Variants in BMPR1B observed in about 807,000 individuals in gnomAD.
BMPR1B encodes bone morphogenetic protein receptor type 1B, also known as bone morphogenetic protein receptor type-1B.
A neutral mutation model predicts 59.1 loss-of-function variants in BMPR1B; 12 were observed. That is an observed-to-expected ratio of 0.20 (90% CI 0.13 to 0.33). The LOEUF (loss-of-function observed/expected upper bound fraction) is 0.33. Ranked by LOEUF, BMPR1B falls within the 10% of genes least tolerant of loss-of-function variation. BMPR1B has a pLI of 1.00. For synonymous variants in BMPR1B, 237 were observed against 207.3 expected, an observed-to-expected ratio of 1.14 and a Z score of -1.23; for missense variants, 550 against 610.9, an observed-to-expected ratio of 0.90 and a Z score of 1.05.
intron 1 of BMPR1B, among the ~76,000 whole-genome samples, chr4:94,858,036 G>T (rs1022151219): frequency 6.6e-6 from 1 of 152,020 alleles, no homozygotes; most frequent in African/African-American, 2.4e-5. Flanking sequence ...AGCTCTGCCT[G>T]CAGGGTTCAC....
At chr4:94,947,310 T>C (rs553108011) in intron 2 of BMPR1B, among the ~76,000 whole-genome samples, 1 of 152,226 alleles carries the variant, frequency 6.6e-6, no homozygotes, top group Non-Finnish European at 1.5e-5. Context: ...GGTGTAACTA[T>C]TAGATTGGCT....
At chr4:95,140,394 T>C (rs1734142184) in intron 10 of BMPR1B, among the ~76,000 whole-genome samples, 1 of 152,184 alleles carries the variant, frequency 6.6e-6, no homozygotes, top group Non-Finnish European at 1.5e-5. Context: ...CTACAAACTC[T>C]CCAATTTGTA....
chr4:95,142,021 C>T (rs577705578), intron 10 of BMPR1B, among the ~76,000 whole-genome samples: 79 of 152,296 alleles, frequency 5.2e-4, no homozygotes, highest in Non-Finnish European at 9.7e-4. Flanking sequence ...TAAGCTCATT[C>T]GTGGCATAGT....
rs1725066888 is a variant in BMPR1B at position 94,841,407 on chromosome 4, C to G, written c.-182-34424C>G. Among the ~76,000 whole-genome samples the G allele has an allele frequency of 1.2e-4, 18 of 151,414 alleles. 1 individual carries two copies. In the South Asian group the frequency reaches 3.8e-3, roughly 32 times the overall value. ...GATCTCAGACTGCTGTGCTAGCAAT[C>G]AGGGAGACTCCATGGGCGTAGGACC... On this transcript the variant is annotated intron_variant, in intron 1 of 12. Transcript: ENST00000515059.
At chr4:95,008,495 A>G (rs1723006933) in intron 3 of BMPR1B, among the ~76,000 whole-genome samples, 1 of 152,144 alleles carries the variant, frequency 6.6e-6, no homozygotes, top group South Asian at 2.1e-4. Context: ...GATTGTTACT[A>G]CTCACCTCAT....
chr4:94,867,496 T>A (rs1382498230), intron 1 of BMPR1B, among the ~76,000 whole-genome samples: 1 of 152,204 alleles, frequency 6.6e-6, no homozygotes, highest in Admixed American at 6.5e-5. Context: ...GTTCTTCTAC[T>A]CCTCTTTATT....
intron 1 of BMPR1B, among the ~76,000 whole-genome samples, chr4:94,794,042 T>G (rs1443800983): frequency 6.6e-6 from 1 of 151,072 alleles, no homozygotes; most frequent in African/African-American, 2.4e-5. Flanking sequence ...ATTTGTCAAT[T>G]TTGGCTTTTG....
chr4:95,086,678 G>A (rs1453594073), intron 3 of BMPR1B, among the ~76,000 whole-genome samples: 2 of 152,150 alleles, frequency 1.3e-5, no homozygotes, highest in African/African-American at 4.8e-5. Flanking sequence ...GATCTAATGA[G>A]ATTTGGGATG....
intron 6 of BMPR1B, among the ~76,000 whole-genome samples, chr4:95,116,066 G>A (rs1346770459): frequency 2.0e-5 from 3 of 152,122 alleles, no homozygotes; most frequent in African/African-American, 4.8e-5. Context: ...GGTGGAGGCA[G>A]GAGCTAGCAC....
chr4:94,878,438 A>G (rs1006681153), intron 2 of BMPR1B, among the ~76,000 whole-genome samples: 16 of 152,242 alleles, frequency 1.1e-4, no homozygotes, highest in African/African-American at 3.9e-4. Flanking sequence ...GAAACAGGAA[A>G]TGAAAAGTGA....
At position 94,878,772 on chromosome 4, in the gene BMPR1B, G is replaced by A. The variant is rs114374614; in HGVS notation, c.-113+2872G>A. Among the ~76,000 whole-genome samples the A allele has an allele frequency of 3.5e-3, 520 of 149,828 alleles. 1 individual carries two copies. The highest frequency in any genetic ancestry group is 0.012 in the African/African-American group (500 of 40,534). ...TTTTTTACTTCTGATATGCTTGGTA[G>A]GCATTTGTATTTCATCTTCTGTGAG... On this transcript the variant is annotated intron_variant, in intron 2 of 12. Coordinates refer to ENST00000515059, the MANE Select transcript of BMPR1B (RefSeq NM_001203.3).
At chr4:95,094,175 T>C (rs1241283904) in intron 3 of BMPR1B, among the ~76,000 whole-genome samples, 1 of 152,058 alleles carries the variant, frequency 6.6e-6, no homozygotes, top group African/African-American at 2.4e-5. Context: ...CTCTGGGTCA[T>C]TGTGTTATGT....
At chr4:94,942,339 A>G (rs1375379124) in intron 2 of BMPR1B, among the ~76,000 whole-genome samples, 1 of 152,220 alleles carries the variant, frequency 6.6e-6, no homozygotes, top group Non-Finnish European at 1.5e-5. Context: ...ACATGTCTTT[A>G]TATAATTTCT....
intron 1 of BMPR1B, among the ~76,000 whole-genome samples, chr4:94,849,354 A>G (rs893700976): frequency 3.9e-5 from 6 of 152,094 alleles, no homozygotes; most frequent in Admixed American, 3.3e-4. Flanking sequence ...TGACAAAAGC[A>G]AGTTGGAGTG....
intron 1 of BMPR1B, among the ~76,000 whole-genome samples, chr4:94,825,198 A>G (rs1158745230): frequency 6.6e-6 from 1 of 152,088 alleles, no homozygotes; most frequent in East Asian, 1.9e-4. Flanking sequence ...AGCAGATACC[A>G]CTTTCAGCTA....
intron 10 of BMPR1B, among the ~76,000 whole-genome samples, chr4:95,137,322 C>T (rs928358871): frequency 6.6e-6 from 1 of 152,180 alleles, no homozygotes; most frequent in Non-Finnish European, 1.5e-5. Flanking sequence ...GAGTGCTTTA[C>T]TTCCAACTAT....
chr4:94,936,004 T>C (rs1729281509), intron 2 of BMPR1B, among the ~76,000 whole-genome samples: 1 of 152,178 alleles, frequency 6.6e-6, no homozygotes, highest in South Asian at 2.1e-4. Context: ...GTTATTTTTG[T>C]ATTTTATAGG....
At chr4:94,870,162 G>A (rs1199050752) in intron 1 of BMPR1B, among the ~76,000 whole-genome samples, 1 of 152,148 alleles carries the variant, frequency 6.6e-6, no homozygotes, top group East Asian at 1.9e-4. Flanking sequence ...TTGGATAAAA[G>A]TCATGTTACA....
chr4:94,877,603 C>A (rs1726780730), intron 2 of BMPR1B, among the ~76,000 whole-genome samples: 1 of 152,220 alleles, frequency 6.6e-6, no homozygotes, highest in Non-Finnish European at 1.5e-5. Flanking sequence ...CTAGATCCTA[C>A]ATCCCCTACC....
Sources: allele counts gnomAD v4.1 joint callset (sites outside exome capture counted in the v4.1 genomes callset), GRCh38; gene constraint gnomAD v4.1.1; transcripts MANE v1.5; gene names NCBI Gene and HGNC (gene_info 2026-07-23, HGNC 2026-07-21).